GPC5: variants seen among roughly 807,000 people sequenced by gnomAD.
The protein encoded by GPC5 is glypican-5.
GPC5 carries 47 observed loss-of-function variants against 53.9 expected under a neutral mutation model. The ratio of observed to expected loss-of-function variants is 0.87; its 90% CI spans 0.69 to 1.11. GPC5 has a LOEUF of 1.11. Ranked by LOEUF, GPC5 falls within the 50% of genes most tolerant of loss-of-function variation. The pLI is 0.00. For missense variants in GPC5, 748 were observed against 713.1 expected, an observed-to-expected ratio of 1.05 and a Z score of -0.56; for synonymous variants, 286 against 263.3, an observed-to-expected ratio of 1.09 and a Z score of -0.84.
chr13:92,049,878 A>T (rs1158323393), intron 6 of GPC5, among the ~76,000 whole-genome samples: 1 of 152,144 alleles, frequency 6.6e-6, no homozygotes, highest in Non-Finnish European at 1.5e-5. Flanking sequence ...GCCACAAAAT[A>T]GTATGTCTAG....
At chr13:91,947,342 C>T (rs188819762) in intron 6 of GPC5, among the ~76,000 whole-genome samples, 31 of 152,256 alleles carry the variant, frequency 2.0e-4, no homozygotes, top group Non-Finnish European at 4.3e-4. Context: ...CCTCTATTCT[C>T]CTGCTGGCTC....
chr13:91,847,385 A>T (rs2038863553), intron 5 of GPC5, among the ~76,000 whole-genome samples: 1 of 152,050 alleles, frequency 6.6e-6, no homozygotes, highest in Non-Finnish European at 1.5e-5. Context: ...ATGTACACAT[A>T]CACATAGATA....
intron 2 of GPC5, among the ~76,000 whole-genome samples, chr13:91,508,768 A>G (rs1885082052): frequency 6.6e-6 from 1 of 152,220 alleles, no homozygotes; most frequent in African/African-American, 2.4e-5. Context: ...ATAAAAATAT[A>G]AAGGATTTAA....
intron 7 of GPC5, among the ~76,000 whole-genome samples, chr13:92,634,942 G>A (rs1159178437): frequency 1.3e-5 from 2 of 151,282 alleles, no homozygotes; most frequent in Non-Finnish European, 2.9e-5. Flanking sequence ...GACATTTGCT[G>A]TATTTTATAT....
At chr13:92,431,451 G>C (rs1168967594) in intron 7 of GPC5, among the ~76,000 whole-genome samples, 3 of 146,992 alleles carry the variant, frequency 2.0e-5, no homozygotes, top group Non-Finnish European at 1.5e-5. Context: ...GTAAGATTTA[G>C]GCTAAATAGT....
intron 7 of GPC5, among the ~76,000 whole-genome samples, chr13:92,249,049 T>C (rs2139126248): frequency 2.0e-5 from 3 of 152,240 alleles, no homozygotes; most frequent in Admixed American, 2.0e-4. Context: ...TGTGGGTATA[T>C]AGTAGGTGCA....
At chr13:92,333,476 G>A (rs1043938322) in intron 7 of GPC5, among the ~76,000 whole-genome samples, 9 of 152,020 alleles carry the variant, frequency 5.9e-5, no homozygotes, top group Non-Finnish European at 1.0e-4. Flanking sequence ...ATCCACAAAG[G>A]AGAAGGAAAA....
chr13:92,613,688 T>C (rs2139102316), intron 7 of GPC5, among the ~76,000 whole-genome samples: 1 of 138,198 alleles, frequency 7.2e-6, no homozygotes. Flanking sequence ...TTTTATATAA[T>C]ATATATATTA....
rs548861664 is a variant in GPC5 at position 92,216,088 on chromosome 13, C to T, written c.1561+71099C>T. On this transcript the variant is annotated intron_variant, in intron 7 of 7. Transcript: ENST00000377067. The stretch of plus-strand genomic sequence containing the variant: ...AGTTTTAAGCTAAAGGACAGAAAAA[C>T]ATCATTCCTGAGATACAGACGGGCA... Among the ~76,000 whole-genome samples, 20 of 152,302 alleles carry T rather than the reference C, an allele frequency of 1.3e-4. No homozygotes were observed. The East Asian group carries it at 3.5e-3, about 27-fold the overall frequency.
chr13:92,615,401 A>G (rs1172118261), intron 7 of GPC5, among the ~76,000 whole-genome samples: 3 of 152,222 alleles, frequency 2.0e-5, no homozygotes, highest in African/African-American at 7.2e-5. Flanking sequence ...CAAACCTGTC[A>G]ATGTGCCCCC....
At chr13:92,429,989 A>G (rs897787655) in intron 7 of GPC5, among the ~76,000 whole-genome samples, 1 of 152,092 alleles carries the variant, frequency 6.6e-6, no homozygotes, top group African/African-American at 2.4e-5. Flanking sequence ...TGCCATCACA[A>G]GAAATAAGTA....
chr13:92,314,206 G>C (rs944959924), intron 7 of GPC5, among the ~76,000 whole-genome samples: 2 of 152,074 alleles, frequency 1.3e-5, no homozygotes, highest in Non-Finnish European at 2.9e-5. Context: ...GTGGTTGCTA[G>C]GTATCTTGTA....
chr13:92,635,401 G>A (rs1005137161), intron 7 of GPC5, among the ~76,000 whole-genome samples: 2 of 152,188 alleles, frequency 1.3e-5, no homozygotes, highest in African/African-American at 4.8e-5. Flanking sequence ...GCACCAGCAT[G>A]TAGACAGGGA....
At chr13:91,820,218 CTAAT>C (rs1237059549) in intron 5 of GPC5, among the ~76,000 whole-genome samples, 2 of 152,114 alleles carry the variant, frequency 1.3e-5, no homozygotes, top group East Asian at 1.9e-4. Context: ...CTGTGATGCA[CTAAT>C]TGTCAATATT....
intron 7 of GPC5, among the ~76,000 whole-genome samples, chr13:92,592,504 G>A (rs1329892852): frequency 6.6e-6 from 1 of 151,174 alleles, no homozygotes; most frequent in Non-Finnish European, 1.5e-5. Flanking sequence ...GGAGTGGTAA[G>A]GACCACAGAA....
At chr13:92,667,608 G>A (rs1022758885) in intron 7 of GPC5, among the ~76,000 whole-genome samples, 14 of 152,152 alleles carry the variant, frequency 9.2e-5, no homozygotes, top group Admixed American at 2.0e-4. Context: ...AGAGAGCTGC[G>A]AGAAGTGTAG....
At chr13:92,721,993 C>G (rs1326778159) in intron 7 of GPC5, among the ~76,000 whole-genome samples, 1 of 152,014 alleles carries the variant, frequency 6.6e-6, no homozygotes, top group Non-Finnish European at 1.5e-5. Context: ...CTTAAACAAA[C>G]TGGCACCCTA....
At chr13:92,000,270 T>C (rs866190305) in intron 6 of GPC5, among the ~76,000 whole-genome samples, 2 of 150,080 alleles carry the variant, frequency 1.3e-5, no homozygotes, top group South Asian at 4.2e-4. Flanking sequence ...ATTTTTTTTA[T>C]TAAAAAATAG....
At chr13:92,224,754 G>A (rs2042472739) in intron 7 of GPC5, among the ~76,000 whole-genome samples, 1 of 152,208 alleles carries the variant, frequency 6.6e-6, no homozygotes, top group South Asian at 2.1e-4. Flanking sequence ...TTTCACACAT[G>A]TTGTCCAAAT....
Sources: allele counts gnomAD v4.1 joint callset (sites outside exome capture counted in the v4.1 genomes callset), GRCh38; gene constraint gnomAD v4.1.1; transcripts MANE v1.5; gene names NCBI Gene and HGNC (gene_info 2026-07-23, HGNC 2026-07-21).